LRFN5: variants seen among roughly 807,000 people sequenced by gnomAD.
The protein encoded by LRFN5 is leucine rich repeat and fibronectin type III domain containing 5, also known as leucine-rich repeat and fibronectin type-III domain-containing protein 5.
LRFN5 carries 24 observed loss-of-function variants against 45.6 expected under a neutral mutation model. The observed-to-expected ratio is 0.53, with a 90% CI of 0.38 to 0.74. The LOEUF is 0.74. Ranked by LOEUF, LRFN5 falls within the 30% of genes least tolerant of loss-of-function variation. The pLI, the probability that LRFN5 is intolerant of heterozygous loss-of-function variation, is 0.00. For missense variants in LRFN5, 776 were observed against 861.5 expected, an observed-to-expected ratio of 0.90 and a Z score of 1.24; for synonymous variants, 340 against 313.8, an observed-to-expected ratio of 1.08 and a Z score of -0.88.
chr14:41,760,028 C>T (rs1028443084), intron 1 of LRFN5, among the ~76,000 whole-genome samples: 6 of 152,108 alleles, frequency 3.9e-5, no homozygotes, highest in African/African-American at 1.2e-4. Context: ...AGTACAATAT[C>T]GCAACCAAGA....
chr14:41,614,521 A>G (rs1428227942), intron 1 of LRFN5, among the ~76,000 whole-genome samples: 1 of 152,112 alleles, frequency 6.6e-6, no homozygotes, highest in African/African-American at 2.4e-5. Context: ...AATAAGCTTG[A>G]AAGTAATTTA....
At chr14:41,682,582 GA>G (rs1881951233) in intron 1 of LRFN5, among the ~76,000 whole-genome samples, 1 of 151,790 alleles carries the variant, frequency 6.6e-6, no homozygotes, top group African/African-American at 2.4e-5. Flanking sequence ...GACTGCATAA[GA>G]AAAAAAGATA....
chr14:41,750,837 T>C (rs1350949106), intron 1 of LRFN5, among the ~76,000 whole-genome samples: 3 of 151,904 alleles, frequency 2.0e-5, no homozygotes, highest in African/African-American at 7.3e-5. Flanking sequence ...AAAATTATTA[T>C]TATACCTTAA....
chr14:41,611,579 G>T (rs1457466521), intron 1 of LRFN5, among the ~76,000 whole-genome samples: 1 of 152,188 alleles, frequency 6.6e-6, no homozygotes, highest in African/African-American at 2.4e-5. Context: ...GCAGATAGGT[G>T]AAAAGAAGTT....
intron 2 of LRFN5, among the ~76,000 whole-genome samples, chr14:41,829,245 G>A (rs1447560789): frequency 6.6e-6 from 1 of 151,820 alleles, no homozygotes; most frequent in Non-Finnish European, 1.5e-5. Flanking sequence ...AACTGATTTT[G>A]TTACATTTCC....
chr14:41,863,277 T>C (rs1437737448), intron 2 of LRFN5, among the ~76,000 whole-genome samples: 3 of 152,242 alleles, frequency 2.0e-5, no homozygotes, highest in Non-Finnish European at 4.4e-5. Context: ...ACTTCAATAA[T>C]TTCTCCTCTT....
chr14:41,739,907 A>T (rs1332607760), intron 1 of LRFN5, among the ~76,000 whole-genome samples: 2 of 152,008 alleles, frequency 1.3e-5, no homozygotes, highest in Non-Finnish European at 2.9e-5. Flanking sequence ...GGACCTAAAG[A>T]CTATCATGGA....
At chr14:41,753,173 G>T (rs1474806968) in intron 1 of LRFN5, among the ~76,000 whole-genome samples, 1 of 151,112 alleles carries the variant, frequency 6.6e-6, no homozygotes, top group East Asian at 2.0e-4. Flanking sequence ...CTGTAGCCTT[G>T]TAGTATAGTT....
chr14:41,797,768 A>T (rs1022638635), intron 2 of LRFN5, among the ~76,000 whole-genome samples: 4 of 151,748 alleles, frequency 2.6e-5, no homozygotes, highest in African/African-American at 4.8e-5. Flanking sequence ...CATCCCAGTG[A>T]TATTCATTTG....
At chr14:41,794,434 T>G (rs904546432) in intron 2 of LRFN5, among the ~76,000 whole-genome samples, 1 of 152,088 alleles carries the variant, frequency 6.6e-6, no homozygotes, top group African/African-American at 2.4e-5. Flanking sequence ...TTCATTTAAT[T>G]TCATTTAATT....
intron 1 of LRFN5, among the ~76,000 whole-genome samples, chr14:41,764,383 A>G (rs1315208348): frequency 6.6e-6 from 1 of 152,164 alleles, no homozygotes; most frequent in East Asian, 1.9e-4. Context: ...CACATGTTTT[A>G]TGGTAGCTGG....
chr14:41,626,203 T>C (rs1328489392), intron 1 of LRFN5, among the ~76,000 whole-genome samples: 2 of 152,116 alleles, frequency 1.3e-5, no homozygotes, highest in African/African-American at 4.8e-5. Flanking sequence ...GGATTATTAT[T>C]ATAGGTCAAA....
At chr14:41,642,816 A>G (rs1358948484) in intron 1 of LRFN5, among the ~76,000 whole-genome samples, 1 of 152,178 alleles carries the variant, frequency 6.6e-6, no homozygotes, top group Non-Finnish European at 1.5e-5. Context: ...GTAAAAGGCT[A>G]AATAAGATGT....
At chr14:41,849,783 C>T (rs985562610) in intron 2 of LRFN5, among the ~76,000 whole-genome samples, 1 of 151,854 alleles carries the variant, frequency 6.6e-6, no homozygotes, top group African/African-American at 2.4e-5. Flanking sequence ...AAATAGTTTC[C>T]TGTCAATCCT....
intron 2 of LRFN5, among the ~76,000 whole-genome samples, chr14:41,773,808 A>G (rs563848200): frequency 9.2e-5 from 14 of 152,372 alleles, no homozygotes; most frequent in Non-Finnish European, 1.6e-4. Context: ...TTTCAGAGAC[A>G]GGCTTCAGCA....
At chr14:41,783,179 C>T (rs1886595155) in intron 2 of LRFN5, among the ~76,000 whole-genome samples, 1 of 151,892 alleles carries the variant, frequency 6.6e-6, no homozygotes, top group Non-Finnish European at 1.5e-5. Context: ...TTTTTCTTGT[C>T]AATCAGATCG....
chr14:41,645,714 C>A (rs1218392414), intron 1 of LRFN5, among the ~76,000 whole-genome samples: 1 of 152,112 alleles, frequency 6.6e-6, no homozygotes, highest in Non-Finnish European at 1.5e-5. Flanking sequence ...TACTATTCTC[C>A]TCTGGGGACT....
At chr14:41,737,639 C>G (rs1884499870) in intron 1 of LRFN5, among the ~76,000 whole-genome samples, 1 of 152,132 alleles carries the variant, frequency 6.6e-6, no homozygotes, top group Admixed American at 6.5e-5. Context: ...AGCTGATGAG[C>G]AACTTCAGCA....
intron 1 of LRFN5, among the ~76,000 whole-genome samples, chr14:41,739,146 G>C (rs764202014): frequency 1.4e-4 from 21 of 152,258 alleles, no homozygotes; most frequent in African/African-American, 4.3e-4. Flanking sequence ...AGCACTTTGG[G>C]AGGCCAAAGT....
Sources: allele counts gnomAD v4.1 joint callset (sites outside exome capture counted in the v4.1 genomes callset), GRCh38; gene constraint gnomAD v4.1.1; transcripts MANE v1.5; gene names NCBI Gene and HGNC (gene_info 2026-07-23, HGNC 2026-07-21).